The following EFCAB12 variants were observed in gnomAD, a reference collection of about 807,000 sequenced individuals.
EFCAB12 encodes the protein EF-hand calcium-binding domain-containing protein 12.
Under a neutral mutation model 53.6 loss-of-function variants are expected in EFCAB12, and 43 were observed. The observed-to-expected ratio is 0.80, with a 90% CI of 0.63 to 1.03. The LOEUF (loss-of-function observed/expected upper bound fraction) is 1.03. Among genes scored for constraint, EFCAB12 ranks in the 50% least tolerant of loss-of-function variants. The pLI is 0.00. For synonymous variants in EFCAB12, 269 were observed against 289.2 expected (o/e 0.93, Z 0.71); for missense variants, 646 against 730.6 (o/e 0.88, Z 1.34).
chr3:129,415,059 A>G (rs972310306), intron 4 of EFCAB12, 186 bp downstream of exon 4: 6 of 582,140 alleles, frequency 1.0e-5, no homozygotes, highest in Non-Finnish European at 1.7e-5. Flanking sequence ...CTGGGCACTC[A>G]AGGGAATATC....
In EFCAB12 at chr3:129,418,434, C is replaced by G. The variant is rs777466287; in HGVS notation, c.501G>C (p.Arg167Ser). Residue 167 changes from arginine (R) to serine (S), a missense_variant, in exon 3 of 9, where the codon AGG (arginine) becomes AGC (serine). By Grantham distance (110) the Arg-to-Ser change is moderately radical. Coordinates refer to ENST00000505956, the MANE Select transcript of EFCAB12 (RefSeq NM_207307.3). ...TTRTTRKKAP[R>S]LSRLSRQMVP... The stretch of plus-strand genomic sequence containing the variant: ...CCATCTGGCGGGACAGCCGGGAGAG[C>G]CTGGGGGCTTTCTTCTGGAAGAGGT... 3 of 1,607,492 alleles carry G rather than the reference C, an allele frequency of 1.9e-6. No individual in the cohort carries two copies. Among genetic ancestry groups the G allele is most frequent in the Non-Finnish European group, 2.5e-6 (3 of 1,176,914 alleles).
chr3:129,411,051 C>A, intron 5 of EFCAB12, 107 bp downstream of exon 5: 1 of 1,260,296 alleles, frequency 7.9e-7, no homozygotes, highest in Non-Finnish European at 1.1e-6. Flanking sequence ...GAGGCGAAGA[C>A]CCCCCTCCCC....
chr3:129,410,014 A>T (rs190136095), intron 5 of EFCAB12, among the ~76,000 whole-genome samples: 9,352 of 147,118 alleles, frequency 0.064, 901 homozygotes, highest in East Asian at 0.44. Context: ...TTATTTATTT[A>T]TTTTTTTTTT....
At chr3:129,404,563 A>G (rs1047558567) in intron 6 of EFCAB12, among the ~76,000 whole-genome samples, 160 bp from the exon 7 acceptor site, 13 of 148,396 alleles carry the variant, frequency 8.8e-5, no homozygotes, top group Middle Eastern at 3.2e-3. Context: ...GAATAGTTGT[A>G]GATTCACTGG....
intron 8 of EFCAB12, 136 bp downstream of exon 8, chr3:129,402,387 T>C: frequency 2.1e-6 from 2 of 935,092 alleles, no homozygotes; most frequent in Non-Finnish European, 3.4e-6. Flanking sequence ...GCCCTCTCTG[T>C]GTTGTGTCAC....
At chr3:129,425,704 G>A (rs2072262482) in intron 1 of EFCAB12, among the ~76,000 whole-genome samples, 1 of 152,170 alleles carries the variant, frequency 6.6e-6, no homozygotes, top group Non-Finnish European at 1.5e-5. Context: ...TAATAAAAGA[G>A]GCTGTCATTG....
intron 6 of EFCAB12, among the ~76,000 whole-genome samples, chr3:129,408,382 C>T (rs1386385589): frequency 2.6e-5 from 4 of 152,212 alleles, no homozygotes; most frequent in Admixed American, 1.3e-4. Flanking sequence ...TCACCAAGCT[C>T]AGGGTTCCAG....
intron 5 of EFCAB12, among the ~76,000 whole-genome samples, chr3:129,410,506 C>T (rs1461608743): frequency 6.6e-6 from 1 of 152,086 alleles, no homozygotes; most frequent in Non-Finnish European, 1.5e-5. Context: ...TTTGTAGAGA[C>T]AGGATCTCCC....
intron 3 of EFCAB12, among the ~76,000 whole-genome samples, chr3:129,417,412 G>C (rs2072132700): frequency 6.7e-6 from 1 of 149,272 alleles, no homozygotes; most frequent in Non-Finnish European, 1.5e-5. Context: ...AAATATTTTA[G>C]GTTTGGCTAG....
intron 2 of EFCAB12, among the ~76,000 whole-genome samples, chr3:129,418,814 C>T (rs1400199251): frequency 6.6e-6 from 1 of 152,144 alleles, no homozygotes; most frequent in African/African-American, 2.4e-5. Context: ...CCCATCCCCG[C>T]CCCCAGCCTT....
At chr3:129,408,550 T>A in intron 6 of EFCAB12, 95 bp downstream of exon 6, 1 of 1,339,038 alleles carries the variant, frequency 7.5e-7, no homozygotes, top group Admixed American at 2.1e-5. Context: ...TACAGTGGCT[T>A]GAATGGCTGC....
At chr3:129,415,156 G>A (rs1042670524) in intron 4 of EFCAB12, 89 bp downstream of exon 4, 48 of 1,432,572 alleles carry the variant, frequency 3.4e-5, no homozygotes, top group Non-Finnish European at 4.0e-5. Context: ...CACTGAGGAA[G>A]TGAGTTTGGA....
intron 5 of EFCAB12, among the ~76,000 whole-genome samples, chr3:129,410,706 G>A (rs566222245): frequency 6.6e-6 from 1 of 152,318 alleles, no homozygotes; most frequent in East Asian, 1.9e-4. Flanking sequence ...GGCAGGGACT[G>A]TTATGCTTAC....
At chr3:129,415,105 A>G in intron 4 of EFCAB12, 140 bp downstream of exon 4, 2 of 1,060,194 alleles carry the variant, frequency 1.9e-6, no homozygotes, top group Admixed American at 3.6e-5. Flanking sequence ...GAAAATTTCC[A>G]GAGGCTTGGC....
intron 6 of EFCAB12, among the ~76,000 whole-genome samples, chr3:129,406,197 C>G (rs2071948775): frequency 6.6e-6 from 1 of 152,096 alleles, no homozygotes; most frequent in Non-Finnish European, 1.5e-5. Context: ...CTGCGTAAGA[C>G]CATGGTGTAA....
Position 129,428,440 on chromosome 3 carries a change from C to T in EFCAB12, c.49G>A (p.Gly17Arg). The change falls in exon 1 of 9, where the codon GGA (glycine) becomes AGA (arginine). Residue 17 changes from glycine to arginine, a missense_variant and splice_region_variant. Gly to Arg is a moderately radical substitution (Grantham distance 125). Transcript: ENST00000505956. ...AYHSLFLSLL[G>R]LCPSKTPINE... Reference sequence around the variant, plus strand: ...GCAGACGCTTCTTCCCGGGGCTTACCGAGCAGCGACAAGAACAGACTGTGG... The same window carrying T: ...GCAGACGCTTCTTCCCGGGGCTTACTGAGCAGCGACAAGAACAGACTGTGG... 2 of 1,607,984 alleles carry T rather than the reference C, an allele frequency of 1.2e-6. No homozygotes were observed. The highest frequency in any genetic ancestry group is 1.7e-6 in the Non-Finnish European group (2 of 1,177,106).
chr3:129,426,359 G>GTTTTTTTTTTTTTTTTTTTTTTTTTTTT (rs71620055), intron 1 of EFCAB12, among the ~76,000 whole-genome samples: 2 of 87,806 alleles, frequency 2.3e-5, no homozygotes, highest in Non-Finnish European at 4.7e-5. Context: ...GTTTTTTTTT[G>GTTTTTTTTTTTTTTTTTTTTTTTTTTTT]TTTTTTTTTT....
chr3:129,414,840 G>A (rs1017570321), intron 4 of EFCAB12: 1 of 155,658 alleles, frequency 6.4e-6, no homozygotes, highest in Non-Finnish European at 1.4e-5. Flanking sequence ...CTGTAAACAT[G>A]TGCTAATTCT....
At position 129,401,715 on chromosome 3, in the gene EFCAB12, C is replaced by A; in HGVS notation, c.1597G>T (p.Val533Phe). 1 of 1,597,102 alleles carries A rather than the reference C, an allele frequency of 6.3e-7. No homozygotes were observed. Among genetic ancestry groups the A allele is most frequent in the Non-Finnish European group, 8.5e-7 (1 of 1,171,902 alleles). The change falls in exon 9 of 9, where the codon GTT becomes TTT. Residue 533 changes from valine (V) to phenylalanine (F), a missense_variant. Transcript: ENST00000505956. Reference protein sequence around the residue: ...TDRSLALFSCVQHQPHVYPAT... With the variant: ...TDRSLALFSCFQHQPHVYPAT... ...GGGTAGACATGGGGCTGGTGTTGAA[C>A]ACAACTGAAGAGCGCCAGGCTCCGG... is the stretch of plus-strand genomic sequence containing the variant.
Sources: allele counts gnomAD v4.1 joint callset (sites outside exome capture counted in the v4.1 genomes callset), GRCh38; gene constraint gnomAD v4.1.1; transcripts MANE v1.5; gene names NCBI Gene and HGNC (gene_info 2026-07-23, HGNC 2026-07-21).